Variants in VPS13C observed in about 807,000 individuals in gnomAD.
VPS13C encodes intermembrane lipid transfer protein VPS13C.
A neutral mutation model predicts 456.8 loss-of-function variants in VPS13C; 358 were observed. The ratio of observed to expected loss-of-function variants is 0.78; its 90% CI spans 0.72 to 0.86. The LOEUF (loss-of-function observed/expected upper bound fraction) is 0.86. Among genes scored for constraint, VPS13C ranks in the 40% least tolerant of loss-of-function variants. VPS13C has a pLI of 0.00. For synonymous variants in VPS13C, 1,578 were observed against 1,486.7 expected, an observed-to-expected ratio of 1.06 and a Z score of -1.41; for missense variants, 4,818 against 4,385.4, an observed-to-expected ratio of 1.10 and a Z score of -2.79.
chr15:62,012,961 C>T, intron 11 of VPS13C, 78 bp downstream of exon 11: 1 of 931,376 alleles, frequency 1.1e-6, no homozygotes, highest in Non-Finnish European at 1.6e-6. Flanking sequence ...ATATCCTGTC[C>T]TCATGAAGGC....
chr15:62,011,375 C>T (rs895054799), intron 12 of VPS13C, among the ~76,000 whole-genome samples: 1 of 152,006 alleles, frequency 6.6e-6, no homozygotes, highest in African/African-American at 2.4e-5. Context: ...AATGATTTCA[C>T]AAACTAGCAG....
intron 16 of VPS13C, among the ~76,000 whole-genome samples, chr15:61,998,957 G>A (rs1242642733): frequency 6.6e-6 from 1 of 151,830 alleles, no homozygotes; most frequent in Non-Finnish European, 1.5e-5. Context: ...CTTTTCTCTG[G>A]CTTACTTTAT....
At chr15:62,051,146 G>A (rs1321728992) in intron 1 of VPS13C, among the ~76,000 whole-genome samples, 2 of 152,052 alleles carry the variant, frequency 1.3e-5, no homozygotes, top group African/African-American at 4.8e-5. Flanking sequence ...CTAAACTTTT[G>A]CAGAAATTTA....
intron 9 of VPS13C, among the ~76,000 whole-genome samples, chr15:62,017,311 T>C (rs2047291645): frequency 1.3e-5 from 2 of 152,196 alleles, no homozygotes; most frequent in South Asian, 2.1e-4. Flanking sequence ...TTGTCAATTT[T>C]GGCTTTTGTT....
intron 1 of VPS13C, among the ~76,000 whole-genome samples, chr15:62,047,666 G>A (rs1361528418): frequency 6.6e-6 from 1 of 152,116 alleles, no homozygotes; most frequent in East Asian, 1.9e-4. Flanking sequence ...AGTGTAAAGA[G>A]GTAAAAGTGC....
At chr15:61,970,796 CT>C (rs1324241370) in intron 27 of VPS13C, among the ~76,000 whole-genome samples, 1 of 146,832 alleles carries the variant, frequency 6.8e-6, no homozygotes, top group African/African-American at 2.5e-5. Context: ...AGGTTGCTGT[CT>C]TGTCTTGGGT....
intron 1 of VPS13C, among the ~76,000 whole-genome samples, chr15:62,058,568 T>G (rs2048878592): frequency 6.6e-6 from 1 of 152,196 alleles, no homozygotes; most frequent in South Asian, 2.1e-4. Flanking sequence ...AATCCAGAGA[T>G]GACCAAAAGT....
chr15:61,940,499 C>G, intron 47 of VPS13C, 148 bp downstream of exon 47: 1 of 639,512 alleles, frequency 1.6e-6, no homozygotes, highest in Non-Finnish European at 2.3e-6. Flanking sequence ...AGTACACATA[C>G]AACAGACAAA....
At chr15:61,953,926 C>G (rs2044892380) in intron 38 of VPS13C, among the ~76,000 whole-genome samples, 1 of 152,186 alleles carries the variant, frequency 6.6e-6, no homozygotes, top group Non-Finnish European at 1.5e-5. Flanking sequence ...AGTTCAGACT[C>G]TACGCCTTTT....
chr15:61,984,005 C>T lies in VPS13C; in HGVS notation c.1729G>A (p.Ala577Thr), dbSNP rs757147255. 1.2e-6 allele frequency: 2 copies of T among 1,612,746 alleles called. No individual in the cohort carries two copies. Among genetic ancestry groups the T allele is most frequent in the Non-Finnish European group, 1.7e-6 (2 of 1,179,448 alleles). ...GTTATATACCAGTGTTCTAATTTCG[C>T]TTCTACCCTATAATCCAATGAAGAA... ...RPGAQALKVEAKLEHWYITGL... is the reference protein window; with the variant it reads ...RPGAQALKVETKLEHWYITGL... Residue 577 changes from alanine (A) to threonine (T), a missense_variant, in exon 20 of 85, where the codon GCG (alanine) becomes ACG (threonine). Transcript: ENST00000644861.
rs540908773 is a variant in VPS13C, at chr15:61,978,248, T to A, written c.2290+378A>T. ...TAAAGACTAGGCTAATATAGTATAATATTTGATAATGAAGGCAGCAAGGAA... is the reference window on the plus strand; with the variant it reads ...TAAAGACTAGGCTAATATAGTATAAAATTTGATAATGAAGGCAGCAAGGAA... On this transcript the variant is annotated intron_variant, in intron 23 of 84. Coordinates refer to ENST00000644861, the MANE Select transcript of VPS13C (RefSeq NM_020821.3). Among the ~76,000 whole-genome samples the A allele has an allele frequency of 2.1e-3, 315 of 152,238 alleles. 1 individual carries two copies. The highest frequency in any genetic ancestry group is 7.1e-3 in the African/African-American group (294 of 41,564).
chr15:62,003,456 C>T (rs935590972), intron 15 of VPS13C, among the ~76,000 whole-genome samples: 8 of 152,062 alleles, frequency 5.3e-5, no homozygotes, highest in Non-Finnish European at 1.0e-4. Flanking sequence ...ACAATCATGT[C>T]GTCTGCAAAC....
At chr15:62,037,325 T>C (rs1306212936) in intron 3 of VPS13C, among the ~76,000 whole-genome samples, 24 of 87,414 alleles carry the variant, frequency 2.7e-4, no homozygotes, top group Admixed American at 1.1e-3. Flanking sequence ...TATTATATAT[T>C]ATATACATTT....
At chr15:61,997,916 T>C (rs1040121101) in intron 16 of VPS13C, among the ~76,000 whole-genome samples, 26 of 152,216 alleles carry the variant, frequency 1.7e-4, no homozygotes, top group Admixed American at 5.9e-4. Flanking sequence ...CATATCACCC[T>C]GTTTCAAAAC....
chr15:61,853,254 C>T lies in VPS13C; in HGVS notation c.*1203G>A, dbSNP rs1893739663. ...GTAAGTATTTAAAATACATTCTAGG[C>T]GTGCATTAGGAGTAAATGTTAATTT... is the stretch of plus-strand genomic sequence containing the variant. On this transcript the variant is annotated 3_prime_UTR_variant, in exon 85 of 85. Transcript: ENST00000644861. 1 of 152,044 alleles carries T rather than the reference C, an allele frequency of 6.6e-6. No individual in the cohort carries two copies. The highest frequency in any genetic ancestry group is 1.5e-5 in the Non-Finnish European group (1 of 68,000). The allele number at this position is 152,044 out of a possible 1,614,324, so 9.4% of individuals were successfully genotyped here. A position where few individuals can be genotyped will look rare whatever the true frequency, so the allele number is the denominator to read the frequency against.
In VPS13C at chr15:61,999,395, A is replaced by G. The variant is rs539716647; in HGVS notation, c.1353+1169T>C. ...ACTCCATCTCAAAAAAAAAAAAAAGAGAGAGAGAGAGAGAAAGTAGTTATA... is the reference window on the plus strand; with the variant it reads ...ACTCCATCTCAAAAAAAAAAAAAAGGGAGAGAGAGAGAGAAAGTAGTTATA... On this transcript the variant is annotated intron_variant, in intron 16 of 84. Transcript: ENST00000644861. Among the ~76,000 whole-genome samples the G allele has an allele frequency of 1.0e-3, 146 of 146,368 alleles. 1 individual carries two copies. The highest frequency in any genetic ancestry group is 3.5e-3 in the African/African-American group (142 of 40,076).
chr15:62,030,134 C>A (rs902672223), intron 5 of VPS13C, among the ~76,000 whole-genome samples: 6 of 152,046 alleles, frequency 3.9e-5, no homozygotes, highest in African/African-American at 1.4e-4. Context: ...AAAATACTAT[C>A]ATTTCTCATA....
chr15:61,991,420 CTTTAAA>C (rs1233225487), intron 17 of VPS13C, among the ~76,000 whole-genome samples: 1 of 152,154 alleles, frequency 6.6e-6, no homozygotes, highest in Non-Finnish European at 1.5e-5. Flanking sequence ...ATGTTGAGAT[CTTTAAA>C]TTTAAACATT....
chr15:62,014,151 A>C (rs1196892307), intron 9 of VPS13C, among the ~76,000 whole-genome samples, 159 bp from the exon 10 acceptor site: 2 of 150,686 alleles, frequency 1.3e-5, no homozygotes, highest in African/African-American at 5.0e-5. Flanking sequence ...TTATAAGACA[A>C]AATCAAAGAA....
Sources: gnomAD v4.1 joint callset for allele counts (sites outside exome capture counted in the v4.1 genomes callset) on GRCh38, gnomAD v4.1.1 for gene constraint, MANE v1.5 for transcripts, NCBI Gene and HGNC (gene_info 2026-07-23, HGNC 2026-07-21) for gene names.